Variants in LRRD1 observed in about 807,000 individuals in gnomAD.
LRRD1 encodes the protein leucine-rich repeat and death domain-containing protein 1.
Under a neutral mutation model 69.5 loss-of-function variants are expected in LRRD1, and 49 were observed. The observed-to-expected ratio is 0.70, with a 90% CI of 0.56 to 0.89. The LOEUF is 0.89. Ranked by LOEUF, LRRD1 falls within the 40% of genes least tolerant of loss-of-function variation. LRRD1 has a pLI of 0.00. For synonymous variants in LRRD1, 303 were observed against 338.9 expected, an observed-to-expected ratio of 0.89 and a Z score of 1.16; for missense variants, 853 against 956.0, an observed-to-expected ratio of 0.89 and a Z score of 1.42.
downstream of LRRD1, among the ~76,000 whole-genome samples, chr7:92,143,696 C>G (rs370435790): frequency 1.4e-3 from 216 of 152,304 alleles, 1 homozygote; most frequent in African/African-American, 4.8e-3. Context: ...GGTTCCCGCC[C>G]GCGCCTCTCC....
rs1239872840 is a variant in LRRD1 at position 92,150,709 on chromosome 7, A to T, written c.2117-14T>A. On this transcript the variant is annotated splice_polypyrimidine_tract_variant and intron_variant, in intron 3 of 5. Transcript: ENST00000458448. ...TCAGATTATTTCCTAGTAGAAAAAA[A>T]TTAGAATTGAATTACATCTTTCTAT... is the stretch of plus-strand genomic sequence containing the variant. 12 of 1,501,954 alleles carry T rather than the reference A, an allele frequency of 8.0e-6. No individual in the cohort carries two copies. The highest frequency in any genetic ancestry group is 9.9e-6 in the Non-Finnish European group (11 of 1,110,852). 93.0% of individuals were successfully genotyped at this position (1,501,954 alleles called of 1,614,324 possible).
chr7:92,157,610 C>T (rs2130997534), intron 3 of LRRD1, among the ~76,000 whole-genome samples: 1 of 151,858 alleles, frequency 6.6e-6, no homozygotes, highest in Admixed American at 6.6e-5. Context: ...CACTCTGTCG[C>T]CCAGGCTGGA....
chr7:92,150,491 A>T, intron 4 of LRRD1, 43 bp downstream of exon 4: 1 of 1,430,062 alleles, frequency 7.0e-7, no homozygotes. Flanking sequence ...AAATAAAATA[A>T]AAAAGAAATG....
At chr7:92,166,431 GT>G (rs1366309070) in intron 1 of LRRD1, among the ~76,000 whole-genome samples, 1 of 152,098 alleles carries the variant, frequency 6.6e-6, no homozygotes, top group Non-Finnish European at 1.5e-5. Flanking sequence ...TTTCCAACTT[GT>G]TTTATGAGGC....
At chr7:92,141,760 G>A (rs1820152025), downstream of LRRD1, 1 of 152,114 alleles carries the variant, frequency 6.6e-6, no homozygotes, top group Non-Finnish European at 1.5e-5. Flanking sequence ...CCTACTGCAA[G>A]AAGTTTTAAA....
intron 2 of LRRD1, among the ~76,000 whole-genome samples, chr7:92,161,124 A>G (rs896976090): frequency 6.6e-6 from 1 of 152,232 alleles, no homozygotes; most frequent in African/African-American, 2.4e-5. Context: ...TGAGAGCTGT[A>G]TGATGATGGA....
In LRRD1 at chr7:92,148,632, G is replaced by A. The variant is rs533708074; in HGVS notation, c.2278+1902C>T. 7.2e-5 allele frequency among the ~76,000 whole-genome samples: 11 copies of A among 152,262 alleles called. No individual in the cohort carries two copies. The Middle Eastern group carries it at 0.01, about 141-fold the overall frequency. Reference sequence around the variant, plus strand: ...TGAAGGCTCCTTGGGTGTAGGGAAAGGAGATAAATGGCTGAGATTCTAAGC... The same window carrying A: ...TGAAGGCTCCTTGGGTGTAGGGAAAAGAGATAAATGGCTGAGATTCTAAGC... On this transcript the variant is annotated intron_variant, in intron 4 of 5. Transcript: ENST00000458448.
At chr7:92,172,112 C>A (rs374982554) in intron 1 of LRRD1, among the ~76,000 whole-genome samples, 10 of 152,180 alleles carry the variant, frequency 6.6e-5, no homozygotes, top group African/African-American at 2.2e-4. Context: ...CAGAGTGAGA[C>A]CAACCCTGTA....
intron 1 of LRRD1, among the ~76,000 whole-genome samples, chr7:92,167,500 T>TAAAATTATTTCAAAATAGA (rs1788938206): frequency 6.6e-6 from 1 of 152,218 alleles, no homozygotes; most frequent in Non-Finnish European, 1.5e-5. Flanking sequence ...TCTGTAAGTC[T>TAAAATTATTTCAAAATAGA]AAAATTATTT....
rs564251278 is a variant in LRRD1, at chr7:92,148,488, T to C, written c.2278+2046A>G. Among the ~76,000 whole-genome samples, 472 of 152,172 alleles carry C rather than the reference T, an allele frequency of 3.1e-3. 2 individuals carry two copies. Among genetic ancestry groups the C allele is most frequent in the Non-Finnish European group, 4.7e-3 (323 of 68,016 alleles). ...TTTCATGCTATGATATATATATATATATAAAATTCCAATCTTCTAAGTAAA... is the reference window on the plus strand; with the variant it reads ...TTTCATGCTATGATATATATATATACATAAAATTCCAATCTTCTAAGTAAA... On this transcript the variant is annotated intron_variant, in intron 4 of 5. Coordinates refer to ENST00000458448, the MANE Select transcript of LRRD1 (RefSeq NM_001161528.2).
chr7:92,164,476 T>C lies in LRRD1; in HGVS notation c.727A>G (p.Asn243Asp). 4.5e-6 allele frequency: 7 copies of C among 1,549,998 alleles called. No individual in the cohort carries two copies. Among genetic ancestry groups the C allele is most frequent in the Non-Finnish European group, 6.1e-6 (7 of 1,146,212 alleles). The change falls in exon 2 of 6, where the codon AAC becomes GAC. Residue 243 changes from asparagine to aspartate, a missense_variant. Physicochemically the swap from Asn to Asp is conservative, Grantham distance 23. Transcript: ENST00000458448. ...LGNIRQLFFY[N>D]NYIENFPSDL... ...GAAGGAAAATTTTCAATGTAATTGT[T>C]ATAAAAAAAGAGTTGTCTGATATTC...
chr7:92,149,014 C>A (rs912979781), intron 4 of LRRD1, among the ~76,000 whole-genome samples: 1 of 150,872 alleles, frequency 6.6e-6, no homozygotes, highest in African/African-American at 2.5e-5. Flanking sequence ...CCCAAAGTGC[C>A]GGGATTACAG....
intron 1 of LRRD1, among the ~76,000 whole-genome samples, chr7:92,176,192 A>G (rs551812205): frequency 6.6e-6 from 1 of 152,310 alleles, no homozygotes; most frequent in South Asian, 2.1e-4. Flanking sequence ...GAAGTGATAT[A>G]CCCATGGTAT....
chr7:92,161,621 T>A (rs758325908), intron 2 of LRRD1, among the ~76,000 whole-genome samples: 1 of 152,204 alleles, frequency 6.6e-6, no homozygotes, highest in Non-Finnish European at 1.5e-5. Context: ...ACCCAACAGC[T>A]TTTTCAGAGG....
In LRRD1 at chr7:92,164,642, C is replaced by G. The variant is rs1350321310; in HGVS notation, c.561G>C (p.Leu187=). 1 of 1,551,802 alleles carries G rather than the reference C, an allele frequency of 6.4e-7. No individual in the cohort carries two copies. Among genetic ancestry groups the G allele is most frequent in the East Asian group, 2.4e-5 (1 of 40,876 alleles). Residue 187 remains leucine (L), a synonymous_variant, in exon 2 of 6, where the codon CTG becomes CTC. Coordinates refer to ENST00000458448, the MANE Select transcript of LRRD1 (RefSeq NM_001161528.2). The part of the protein sequence containing the change: ...KTFQGADSGD[L]LGLEILSLQE... ...GCAGGGATAGAATTTCAAGTCCTAA[C>G]AGATCACCTGAGTCTGCCCCTTGAA... is the stretch of plus-strand genomic sequence containing the variant.
chr7:92,149,737 G>C (rs921824161), intron 4 of LRRD1, among the ~76,000 whole-genome samples: 1 of 151,950 alleles, frequency 6.6e-6, no homozygotes, highest in Non-Finnish European at 1.5e-5. Flanking sequence ...TTAAAATAGA[G>C]ACAAGGTCAC....
chr7:92,145,033 A>G lies in LRRD1; in HGVS notation c.2438T>C (p.Ile813Thr), dbSNP rs1820283307. The G allele has an allele frequency of 3.9e-6, 6 of 1,523,402 alleles. No individual in the cohort carries two copies. The highest frequency in any genetic ancestry group is 4.4e-6 in the Non-Finnish European group (5 of 1,130,418). The allele number at this position is 1,523,402 out of a possible 1,614,324, so 94.4% of individuals were successfully genotyped here. ...LSERAHQALV[I>T]WKTQSNKLSL... ...TAACTTGTTACTTTGTGTTTTCCATATAACAAGTGCTTGGTGGGCTCTCTC... is the reference window on the plus strand; with the variant it reads ...TAACTTGTTACTTTGTGTTTTCCATGTAACAAGTGCTTGGTGGGCTCTCTC... The change falls in exon 6 of 6, where the codon ATA (isoleucine) becomes ACA (threonine). Residue 813 changes from isoleucine to threonine, a missense_variant. This residue lies in a region of LRRD1 where 739 missense variants were observed against 808.0 expected (regional missense o/e 0.91). Coordinates refer to ENST00000458448, the MANE Select transcript of LRRD1 (RefSeq NM_001161528.2).
Position 92,164,845 on chromosome 7 carries a change from C to T in LRRD1, c.358G>A (p.Glu120Lys). 6.4e-7 allele frequency: 1 copy of T among 1,551,618 alleles called. No homozygotes were observed. The highest frequency in any genetic ancestry group is 8.7e-7 in the Non-Finnish European group (1 of 1,146,922). The change falls in exon 2 of 6, where the codon GAA (glutamate) becomes AAA (lysine). Residue 120 changes from glutamate (E) to lysine (K), a missense_variant. Transcript: ENST00000458448. ...TGTGGACTAACTTCTCCTACTGTTT[C>T]ATGAGATAGGAAGTTAACCAAAGCC... is the stretch of plus-strand genomic sequence containing the variant. The part of the protein sequence containing the change: ...YQALVNFLSH[E>K]TVGEVSPQVS...
Position 92,164,041 on chromosome 7 carries a change from G to T in LRRD1, c.1162C>A (p.Pro388Thr). The T allele has an allele frequency of 1.9e-6, 3 of 1,540,126 alleles. No homozygotes were observed. The highest frequency in any genetic ancestry group is 1.2e-5 in the South Asian group (1 of 82,056). Reference protein sequence around the residue: ...ILDKNLLKNIPEKISCCAMLE... With the variant: ...ILDKNLLKNITEKISCCAMLE... ...ATTGCACAGCAAGATATTTTCTCTG[G>T]TATATTTTTCAATAAATTTTTATCA... Residue 388 changes from proline (P) to threonine (T), a missense_variant, in exon 2 of 6, where the codon CCA becomes ACA. Pro to Thr is a conservative substitution (Grantham distance 38, BLOSUM62 -1). This residue lies in a region of LRRD1 where 739 missense variants were observed against 808.0 expected (regional missense o/e 0.91). Coordinates refer to ENST00000458448, the MANE Select transcript of LRRD1 (RefSeq NM_001161528.2).
Sources: gnomAD v4.1 joint callset for allele counts (sites outside exome capture counted in the v4.1 genomes callset) on GRCh38, gnomAD v4.1.1 for gene constraint, gnomAD v4.1.1 regional missense constraint, MANE v1.5 for transcripts, NCBI Gene and HGNC (gene_info 2026-07-23, HGNC 2026-07-21) for gene names.